Variants in ADGRE1 observed in about 807,000 individuals in gnomAD.
The protein encoded by ADGRE1 is adhesion G protein-coupled receptor E1.
Under a neutral mutation model 102.7 loss-of-function variants are expected in ADGRE1, and 82 were observed. The observed-to-expected ratio is 0.80, with a 90% CI of 0.67 to 0.96. The LOEUF (loss-of-function observed/expected upper bound fraction) is 0.96. Ranked by LOEUF, ADGRE1 falls within the 40% of genes least tolerant of loss-of-function variation. The probability of loss-of-function intolerance (pLI) is 0.00; values close to 1 mark genes in which losing one functional copy is unlikely to be tolerated. For synonymous variants in ADGRE1, 398 were observed against 399.6 expected (o/e 1.00, Z 0.05); for missense variants, 1,032 against 1,085.3 (o/e 0.95, Z 0.69).
At chr19:6,910,782 AG>A (rs1448891437) in intron 10 of ADGRE1, among the ~76,000 whole-genome samples, 1 of 152,164 alleles carries the variant, frequency 6.6e-6, no homozygotes, top group Non-Finnish European at 1.5e-5. Flanking sequence ...CATGTTGGCC[AG>A]GCTGGTCTCG....
intron 17 of ADGRE1, among the ~76,000 whole-genome samples, 198 bp from the exon 18 acceptor site, chr19:6,934,789 G>A (rs914521616): frequency 6.9e-6 from 1 of 144,642 alleles, no homozygotes; most frequent in Admixed American, 7.0e-5. Context: ...TTGTATTTTA[G>A]TATAGACAGG....
chr19:6,897,658 C>T (rs1973613876), intron 5 of ADGRE1, 111 bp downstream of exon 5: 3 of 1,192,948 alleles, frequency 2.5e-6, no homozygotes, highest in African/African-American at 3.2e-5. Flanking sequence ...AAAATTGGGG[C>T]TCAGAGAGGT....
At chr19:6,921,562 T>A (rs1268092117) in intron 13 of ADGRE1, 151 bp from the exon 14 acceptor site, 7 of 897,236 alleles carry the variant, frequency 7.8e-6, no homozygotes, top group Non-Finnish European at 1.1e-5. Flanking sequence ...TGGCCCTCAC[T>A]GCATAATGAA....
intron 5 of ADGRE1, chr19:6,898,339 T>A: frequency 6.3e-7 from 1 of 1,598,382 alleles, no homozygotes; most frequent in African/African-American, 1.3e-5. Flanking sequence ...CCCCCAGCCC[T>A]GTGGTCCTAA....
rs565516268 is a variant in ADGRE1 at position 6,935,783 on chromosome 19, C to T, written c.2381+705C>T. On this transcript the variant is annotated intron_variant, in intron 18 of 20. Coordinates refer to ENST00000312053, the MANE Select transcript of ADGRE1 (RefSeq NM_001974.5). ...TGGACTGTAATGCTTTTAGAATGTG[C>T]GTCGTAAATTGATTTTCAGAAAATT... is the stretch of plus-strand genomic sequence containing the variant. Among the ~76,000 whole-genome samples, 16 of 152,244 alleles carry T rather than the reference C, an allele frequency of 1.1e-4. No individual in the cohort carries two copies. The East Asian group carries it at 2.9e-3, about 28-fold the overall frequency.
chr19:6,922,693 C>T (rs1487484831), intron 14 of ADGRE1, among the ~76,000 whole-genome samples: 2 of 150,952 alleles, frequency 1.3e-5, no homozygotes, highest in African/African-American at 4.9e-5. Flanking sequence ...CCAAGAGAGC[C>T]GATGATAGAT....
rs368288760 is a variant in ADGRE1, at chr19:6,937,547, C to G, written c.2554C>G (p.Arg852Gly). The change falls in exon 20 of 21, where the codon CGA (arginine) becomes GGA (glycine). Residue 852 changes from arginine (R) to glycine (G), a missense_variant. Transcript: ENST00000312053. ...LIHCLLNGQV[R>G]EEYKRWITGK... is the part of the protein sequence containing the mutation. ...GATGATGTGTCTCCTTCTCCAGGTA[C>G]GAGAAGAATACAAGAGGTGGATCAC... 19 of 1,612,654 alleles carry G rather than the reference C, an allele frequency of 1.2e-5. No individual in the cohort carries two copies. Among genetic ancestry groups the G allele is most frequent in the Non-Finnish European group, 1.5e-5 (18 of 1,179,424 alleles).
chr19:6,919,057 G>A (rs1974518799), intron 12 of ADGRE1, among the ~76,000 whole-genome samples: 3 of 149,772 alleles, frequency 2.0e-5, no homozygotes, highest in Non-Finnish European at 4.4e-5. Context: ...GTTTTGAAAT[G>A]GAGTCTTGCT....
chr19:6,898,223 A>G, intron 5 of ADGRE1: 3 of 1,201,938 alleles, frequency 2.5e-6, no homozygotes, highest in Non-Finnish European at 3.5e-6. Flanking sequence ...ATGGGATGGG[A>G]GATATTGTTT....
At chr19:6,895,119 T>C (rs1357801225) in intron 2 of ADGRE1, 1 of 152,192 alleles carries the variant, frequency 6.6e-6, no homozygotes, top group Non-Finnish European at 1.5e-5. Context: ...TTTTGCCTTG[T>C]TGCCTCTCCA....
At chr19:6,928,990 C>T (rs1284533125) in intron 17 of ADGRE1, among the ~76,000 whole-genome samples, 2 of 151,380 alleles carry the variant, frequency 1.3e-5, no homozygotes, top group Non-Finnish European at 1.5e-5. Context: ...CTTGAGATTT[C>T]GAAGTTACAG....
intron 20 of ADGRE1, among the ~76,000 whole-genome samples, chr19:6,938,113 G>A (rs1172815787): frequency 6.6e-6 from 1 of 152,008 alleles, no homozygotes; most frequent in Admixed American, 6.6e-5. Context: ...AAGGTGGGCA[G>A]ATTACCTGAG....
intron 2 of ADGRE1, chr19:6,895,439 G>GA (rs1428975098): frequency 1.3e-5 from 2 of 152,452 alleles, no homozygotes; most frequent in East Asian, 3.9e-4. Flanking sequence ...GCTGGAACTT[G>GA]AACTCAGATC....
intron 9 of ADGRE1, among the ~76,000 whole-genome samples, chr19:6,907,341 A>ATT (rs36079308): frequency 0.03 from 4,379 of 145,112 alleles, 243 homozygotes; most frequent in African/African-American, 0.1. Context: ...AGTTCTAGAA[A>ATT]TTTTTTTTTT....
In ADGRE1 at chr19:6,906,392, G is replaced by A. The variant is rs367662808; in HGVS notation, c.950-41G>A. ...ACTTGAATTTTCATCTTATTTTGCT[G>A]AGGTTGAAGTTTGGTTTGGTTGCTG... On this transcript the variant is annotated intron_variant, in intron 8 of 20. Transcript: ENST00000312053. 5 of 1,540,608 alleles carry A rather than the reference G, an allele frequency of 3.2e-6. No homozygotes were observed. The African/African-American group carries it at 6.9e-5, about 21-fold the overall frequency.
chr19:6,902,029 G>A lies in ADGRE1; in HGVS notation c.661+8G>A, dbSNP rs1383925753. 1 of 1,614,070 alleles carries A rather than the reference G, an allele frequency of 6.2e-7. No individual in the cohort carries two copies. The highest frequency in any genetic ancestry group is 1.7e-5 in the Admixed American group (1 of 60,018). The stretch of plus-strand genomic sequence containing the variant: ...TCAAAGCATCGTGTGAAGGTAGGTG[G>A]GGGTGTCTTCTGAGAAGTCAGGTCC... On this transcript the variant is annotated splice_region_variant and intron_variant, in intron 6 of 20. Transcript: ENST00000312053.
At chr19:6,929,147 C>T (rs567052613) in intron 17 of ADGRE1, among the ~76,000 whole-genome samples, 2 of 152,048 alleles carry the variant, frequency 1.3e-5, no homozygotes, top group African/African-American at 2.4e-5. Flanking sequence ...GCCTGAGGTT[C>T]GTTGCCTCAT....
At chr19:6,925,162 C>G (rs1409092392) in intron 15 of ADGRE1, among the ~76,000 whole-genome samples, 1 of 152,150 alleles carries the variant, frequency 6.6e-6, no homozygotes, top group African/African-American at 2.4e-5. Flanking sequence ...GCTCTTGTTG[C>G]CCAGGCTGGA....
intron 8 of ADGRE1, 29 bp downstream of exon 8, chr19:6,904,211 T>C (rs774300674): frequency 6.2e-7 from 1 of 1,608,342 alleles, no homozygotes; most frequent in South Asian, 1.1e-5. Context: ...GTCTTGGCAA[T>C]GGAATCTGTT....
Sources: allele counts gnomAD v4.1 joint callset (sites outside exome capture counted in the v4.1 genomes callset), GRCh38; gene constraint gnomAD v4.1.1; transcripts MANE v1.5; gene names NCBI Gene and HGNC (gene_info 2026-07-23, HGNC 2026-07-21).